DCD: variants seen among roughly 807,000 people sequenced by gnomAD.
The protein encoded by DCD is diffusible survival/evasion peptide.
In DCD, 17 loss-of-function variants were observed where a neutral mutation model predicts 14.5. The observed-to-expected ratio is 1.18, with a 90% confidence interval of 0.81 to 1.76. The LOEUF (loss-of-function observed/expected upper bound fraction) is 1.76, where lower values mean the gene tolerates loss of function less well. DCD is among the 40% of genes most tolerant of loss of function. The probability of loss-of-function intolerance (pLI) is 0.00; values close to 1 mark genes in which losing one functional copy is unlikely to be tolerated. For synonymous variants in DCD, 64 were observed against 54.0 expected (o/e 1.19, Z -0.82); for missense variants, 139 against 133.4 (o/e 1.04, Z -0.21).
intron 1 of DCD, among the ~76,000 whole-genome samples, chr12:54,647,725 A>G (rs1958272881): frequency 6.6e-6 from 1 of 152,212 alleles, no homozygotes; most frequent in African/African-American, 2.4e-5. Context: ...ATAAACAATT[A>G]TTTAATTACA....
intron 1 of DCD, among the ~76,000 whole-genome samples, 175 bp downstream of exon 1, chr12:54,648,071 C>T (rs1158293486): frequency 6.6e-6 from 1 of 152,164 alleles, no homozygotes; most frequent in Non-Finnish European, 1.5e-5. Context: ...CCACAGGGCT[C>T]CTGGCTTCCT....
At chr12:54,644,898 G>C in intron 4 of DCD, 142 bp from the exon 5 acceptor site, 2 of 1,550,678 alleles carry the variant, frequency 1.3e-6, no homozygotes, top group Non-Finnish European at 1.7e-6. Flanking sequence ...AAGTCAGAGG[G>C]ATGGAGGTTA....
rs756325842 is a variant in DCD at position 54,644,776 on chromosome 12, A to T, written c.290-20T>A. 78 of 1,599,036 alleles carry T rather than the reference A, an allele frequency of 4.9e-5. No individual in the cohort carries two copies. In the Middle Eastern group the frequency reaches 1.7e-3, roughly 34 times the overall value. ...CGGCTCCTAGGACAGCCACAGAAAAAAATGGGGTAAAGGGGTAGGAAGAAA... is the reference window on the plus strand; with the variant it reads ...CGGCTCCTAGGACAGCCACAGAAAATAATGGGGTAAAGGGGTAGGAAGAAA... On this transcript the variant is annotated intron_variant, in intron 4 of 4. Transcript: ENST00000293371.
At chr12:54,644,825 G>T in intron 4 of DCD, 69 bp from the exon 5 acceptor site, 1 of 1,559,230 alleles carries the variant, frequency 6.4e-7, no homozygotes, top group Non-Finnish European at 8.7e-7. Context: ...GAGAGCCAGG[G>T]AATTGGGGAA....
At position 54,645,725 on chromosome 12, in the gene DCD, T is replaced by G. The variant is rs1212275584; in HGVS notation, c.98-18A>C. 6.2e-7 allele frequency: 1 copy of G among 1,605,112 alleles called. No homozygotes were observed. The highest frequency in any genetic ancestry group is 1.3e-5 in the African/African-American group (1 of 74,724). On this transcript the variant is annotated intron_variant, in intron 2 of 4. Transcript: ENST00000293371. ...ATGGCAAGCTGCAAGGGTAAGGGAG[T>G]GAGAGGAATAATAGCTATTTCACTC...
Position 54,645,695 on chromosome 12 carries a change from G to A in DCD, c.110C>T (p.Ala37Val), listed in dbSNP as rs796320980. 1.9e-6 allele frequency: 3 copies of A among 1,614,026 alleles called. No individual in the cohort carries two copies. The African/African-American group carries it at 4.0e-5, about 22-fold the overall frequency. Residue 37 changes from alanine to valine, a missense_variant, in exon 3 of 5, where the codon GCA (alanine) becomes GTA (valine). Coordinates refer to ENST00000293371, the MANE Select transcript of DCD (RefSeq NM_053283.4). The part of the protein sequence containing the change: ...APGSGNPCHE[A>V]SAAQKENAGE... ...TGCATTTTCCTTTTGAGCTGCTGATGCTTCATGGCAAGCTGCAAGGGTAAG... is the reference window on the plus strand; with the variant it reads ...TGCATTTTCCTTTTGAGCTGCTGATACTTCATGGCAAGCTGCAAGGGTAAG...
At chr12:54,645,299 A>AG in intron 3 of DCD, 37 bp from the exon 4 acceptor site, 1 of 1,588,682 alleles carries the variant, frequency 6.3e-7, no homozygotes, top group South Asian at 1.1e-5. Context: ...TCATAGAAGC[A>AG]GAAAAACTAC....
chr12:54,645,943 T>C lies in DCD; in HGVS notation c.98-236A>G, dbSNP rs934552742. ...CAGGGCCCTTTTCTAGAGTAGATTA[T>C]GGTTCAGGGAAAAGTAAAGTCATTT... is the stretch of plus-strand genomic sequence containing the variant. On this transcript the variant is annotated intron_variant, in intron 2 of 4. Transcript: ENST00000293371. The C allele has an allele frequency of 5.4e-6, 3 of 552,476 alleles. No homozygotes were observed. In the Admixed American group the frequency reaches 6.9e-5, roughly 13 times the overall value. The allele number at this position is 552,476 out of a possible 1,614,324, so 34.2% of individuals were successfully genotyped here. A position where few individuals can be genotyped will look rare whatever the true frequency, so the allele number is the denominator to read the frequency against.
chr12:54,644,928 GACCAACCTCTCTTCCCC>G lies in DCD; in HGVS notation c.290-189_290-173del, dbSNP rs1338465642. ...AGGTTAGATTCACAGGAGCCCCAAAGACCAACCTCTCTTCCCCACCTTGGCAGGGGCAGGGGGCAAGA... is the reference window on the plus strand; with the variant it reads ...AGGTTAGATTCACAGGAGCCCCAAAGACCTTGGCAGGGGCAGGGGGCAAGA... On this transcript the variant is annotated intron_variant, in intron 4 of 4. Transcript: ENST00000293371. The G allele has an allele frequency of 4.5e-6, 7 of 1,549,364 alleles. No homozygotes were observed. The African/African-American group carries it at 9.6e-5, about 21-fold the overall frequency.
chr12:54,647,186 T>A (rs1234194614), intron 1 of DCD, 27 bp from the exon 2 acceptor site: 20 of 1,556,914 alleles, frequency 1.3e-5, no homozygotes, highest in Admixed American at 1.9e-5. Context: ...AGTGACCATG[T>A]CAAGTAGGGC....
chr12:54,648,104 G>T (rs898549185), intron 1 of DCD, 142 bp downstream of exon 1: 3 of 872,310 alleles, frequency 3.4e-6, no homozygotes, highest in African/African-American at 3.3e-5. Flanking sequence ...TCCCTGTGTG[G>T]AGAACCTAGT....
At chr12:54,645,731 G>A (rs1450983019) in intron 2 of DCD, 24 bp from the exon 3 acceptor site, 2 of 1,587,350 alleles carry the variant, frequency 1.3e-6, no homozygotes, top group African/African-American at 2.7e-5. Context: ...GGAGTGAGAG[G>A]AATAATAGCT....
At chr12:54,645,499 G>A (rs1958252069) in intron 3 of DCD, 107 bp downstream of exon 3, 1 of 1,040,852 alleles carries the variant, frequency 9.6e-7, no homozygotes, top group African/African-American at 1.6e-5. Context: ...AGGAATATGG[G>A]TGTAGCTGTG....
In DCD at chr12:54,645,231, C is replaced by G; in HGVS notation, c.231G>C (p.Val77=). Residue 77 remains valine, a synonymous_variant, in exon 4 of 5, where the codon GTG becomes GTC. Transcript: ENST00000293371. ...CTTTTCCTAGTTTTCCGAGTCCCCCCACAGCTTTTTTTGCTCCGTCTAGGC... is the reference window on the plus strand; with the variant it reads ...CTTTTCCTAGTTTTCCGAGTCCCCCGACAGCTTTTTTTGCTCCGTCTAGGC... ...EKGLDGAKKA[V]GGLGKLGKDA... 1 of 1,614,060 alleles carries G rather than the reference C, an allele frequency of 6.2e-7. No individual in the cohort carries two copies. Among genetic ancestry groups the G allele is most frequent in the Non-Finnish European group, 8.5e-7 (1 of 1,180,000 alleles).
chr12:54,648,311 T>G lies in DCD; in HGVS notation c.-8A>C, dbSNP rs758854232. 3.7e-6 allele frequency: 6 copies of G among 1,613,770 alleles called. No individual in the cohort carries two copies. The South Asian group carries it at 6.6e-5, about 18-fold the overall frequency. On this transcript the variant is annotated 5_prime_UTR_variant, in exon 1 of 5. Transcript: ENST00000293371. ...GAGAGTCATGAACCTCATGCTTCTG[T>G]GTGCTGGAGTGGGTATGCCACCAAA...
intron 3 of DCD, 89 bp downstream of exon 3, chr12:54,645,517 G>T: frequency 8.4e-7 from 1 of 1,194,470 alleles, no homozygotes; most frequent in Non-Finnish European, 1.2e-6. Context: ...GTGTCCCTGT[G>T]CTTGTGCCTG....
Position 54,648,359 on chromosome 12 carries a change from G to C in DCD, c.-56C>G. 6.2e-7 allele frequency: 1 copy of C among 1,610,518 alleles called. No individual in the cohort carries two copies. The highest frequency in any genetic ancestry group is 8.5e-7 in the Non-Finnish European group (1 of 1,178,256). On this transcript the variant is annotated 5_prime_UTR_variant, in exon 1 of 5. Coordinates refer to ENST00000293371, the MANE Select transcript of DCD (RefSeq NM_053283.4). ...AAATCCTTGGAGATCTTGGGATCTAGGGTGTCAAGACTGCCTCTCTGGGCC... is the reference window on the plus strand; with the variant it reads ...AAATCCTTGGAGATCTTGGGATCTACGGTGTCAAGACTGCCTCTCTGGGCC...
At chr12:54,647,886 G>A (rs995872111) in intron 1 of DCD, among the ~76,000 whole-genome samples, 20 of 152,188 alleles carry the variant, frequency 1.3e-4, no homozygotes, top group African/African-American at 4.6e-4. Context: ...GAGTAGGAAG[G>A]AGGTTGACGT....
chr12:54,645,248 C>A lies in DCD; in HGVS notation c.214G>T (p.Gly72Ter). Reference protein sequence around the residue: ...RSSLLEKGLDGAKKAVGGLGK... With the variant: ...RSSLLEKGLD ...AGTCCCCCCACAGCTTTTTTTGCTCCGTCTAGGCCTTTTTCTAGGGTGGAT... is the reference window on the plus strand; with the variant it reads ...AGTCCCCCCACAGCTTTTTTTGCTCAGTCTAGGCCTTTTTCTAGGGTGGAT... The change falls in exon 4 of 5, where the codon GGA becomes TGA. Residue 72 changes from glycine (G) to a stop codon, truncating the protein, a stop_gained. Transcript: ENST00000293371. LOFTEE classifies it high-confidence loss of function. The A allele has an allele frequency of 6.2e-7, 1 of 1,613,940 alleles. No individual in the cohort carries two copies. The highest frequency in any genetic ancestry group is 8.5e-7 in the Non-Finnish European group (1 of 1,179,966).
Sources: allele counts gnomAD v4.1 joint callset (sites outside exome capture counted in the v4.1 genomes callset), GRCh38; gene constraint gnomAD v4.1.1; transcripts MANE v1.5; gene names NCBI Gene and HGNC (gene_info 2026-07-23, HGNC 2026-07-21).